Variants in COQ10A observed in about 807,000 individuals in gnomAD.
COQ10A encodes coenzyme Q-binding protein COQ10 homolog A, mitochondrial.
Under a neutral mutation model 26.1 loss-of-function variants are expected in COQ10A, and 25 were observed. That is an observed-to-expected ratio of 0.96 (90% CI 0.70 to 1.34). The LOEUF (loss-of-function observed/expected upper bound fraction) is 1.34, where lower values mean the gene tolerates loss of function less well. Ranked by LOEUF, COQ10A falls within the 40% of genes most tolerant of loss-of-function variation. The pLI is 0.00. For synonymous variants in COQ10A, 132 were observed against 124.0 expected, an observed-to-expected ratio of 1.06 and a Z score of -0.43; for missense variants, 312 against 335.4, an observed-to-expected ratio of 0.93 and a Z score of 0.54.
At chr12:56,268,745 ATTG>A in intron 2 of COQ10A, 1 of 249,054 alleles carries the variant, frequency 4.0e-6, no homozygotes, top group Non-Finnish European at 7.8e-6. Flanking sequence ...TTGTTAAAAA[ATTG>A]TTAAGAGCTG....
chr12:56,270,388 G>T lies in COQ10A; in HGVS notation c.*71G>T. On this transcript the variant is annotated 3_prime_UTR_variant, in exon 5 of 5. Transcript: ENST00000308197. ...ACAATTCTCTTATTTATTTGGTTTG[G>T]CTCCTGTTCCAATTTGAAAGGAGTC... The T allele has an allele frequency of 6.7e-7, 1 of 1,485,104 alleles. No individual in the cohort carries two copies. 92.0% of individuals were successfully genotyped at this position (1,485,104 alleles called of 1,614,324 possible).
In COQ10A at chr12:56,270,216, AAACAG is replaced by A. The variant is rs759109661; in HGVS notation, c.646_650del (p.Gln216CysfsTer5). On this transcript the variant is annotated frameshift_variant, in exon 5 of 5. Transcript: ENST00000308197. LOFTEE classifies it high-confidence loss of function. ...CACCATGTTTTTTGATGAGGTTGTC[AAACAG>A]AATGTTGCTGCCTTTGAGCGTCGGG... is the stretch of plus-strand genomic sequence containing the variant. The A allele has an allele frequency of 3.0e-5, 48 of 1,614,052 alleles. No individual in the cohort carries two copies. In the South Asian group the frequency reaches 5.2e-4, roughly 17 times the overall value.
rs577213356 is a variant in COQ10A, at chr12:56,269,558, T to C, written c.573T>C (p.Phe191=). The C allele has an allele frequency of 1.4e-5, 22 of 1,610,250 alleles. No homozygotes were observed. In the Admixed American group the frequency reaches 1.7e-4, roughly 12 times the overall value. ...ATCCTCGAACCTGCACTGTGGACTT[T>C]TCGGTGAGTCAGGAGGTTGTGTAGC... ...PAYPRTCTVD[F]SISFEFRSLL... The change falls in exon 4 of 5, where the codon TTT becomes TTC. Residue 191 remains phenylalanine, a synonymous_variant. Coordinates refer to ENST00000308197, the MANE Select transcript of COQ10A (RefSeq NM_144576.4).
At chr12:56,269,025 G>T (rs777393517) in intron 2 of COQ10A, 34 bp from the exon 3 acceptor site, 1 of 1,598,954 alleles carries the variant, frequency 6.3e-7, no homozygotes, top group Non-Finnish European at 8.6e-7. Flanking sequence ...GACCCAGCTG[G>T]CAGCTCCTTG....
rs993235109 is a variant in COQ10A at position 56,270,591 on chromosome 12, G to A, written c.*274G>A. The A allele has an allele frequency of 8.0e-6, 3 of 375,874 alleles. No homozygotes were observed. The highest frequency in any genetic ancestry group is 4.3e-5 in the Admixed American group (1 of 23,064). The allele number at this position is 375,874 out of a possible 1,614,324, so 23.3% of individuals were successfully genotyped here. The stretch of plus-strand genomic sequence containing the variant: ...CCTTTTCACTACGAATTAGAATAAG[G>A]ACTATGTGGTTGTCTCTGGACCTTA... On this transcript the variant is annotated 3_prime_UTR_variant, in exon 5 of 5. Coordinates refer to ENST00000308197, the MANE Select transcript of COQ10A (RefSeq NM_144576.4).
intron 2 of COQ10A, 102 bp downstream of exon 2, chr12:56,268,042 C>G: frequency 7.1e-7 from 1 of 1,408,630 alleles, no homozygotes; most frequent in South Asian, 1.3e-5. Flanking sequence ...AGATTCATCC[C>G]TAGCCATCCC....
chr12:56,267,913 A>C lies in COQ10A; in HGVS notation c.254A>C (p.Lys85Thr). The C allele has an allele frequency of 6.2e-7, 1 of 1,614,162 alleles. No individual in the cohort carries two copies. Among genetic ancestry groups the C allele is most frequent in the East Asian group, 2.2e-5 (1 of 44,882 alleles). Residue 85 changes from lysine (K) to threonine (T), a missense_variant, in exon 2 of 5, where the codon AAG becomes ACG. Physicochemically the swap from Lys to Thr is moderately conservative, Grantham distance 78. Coordinates refer to ENST00000308197, the MANE Select transcript of COQ10A (RefSeq NM_144576.4). ...GFAAPFTNKRKAYSERRIMGY... is the reference protein window; with the variant it reads ...GFAAPFTNKRTAYSERRIMGY... ...GCTGCTCCCTTCACCAACAAGCGAA[A>C]GGCTTACTCGGAGCGTAGAATCATG...
rs771314254 is a variant in COQ10A, at chr12:56,269,429, G to A, written c.475-31G>A. The A allele has an allele frequency of 2.6e-6, 4 of 1,548,590 alleles. No individual in the cohort carries two copies. In the African/African-American group the frequency reaches 5.4e-5, roughly 21 times the overall value. Reference sequence around the variant, plus strand: ...TATATTGTATCCTATACTTAGTAATGTTATTTAACTACCTGATTACCCTAT... The same window carrying A: ...TATATTGTATCCTATACTTAGTAATATTATTTAACTACCTGATTACCCTAT... On this transcript the variant is annotated intron_variant, in intron 3 of 4. Transcript: ENST00000308197.
intron 2 of COQ10A, 69 bp from the exon 3 acceptor site, chr12:56,268,990 A>C (rs1872427902): frequency 7.7e-7 from 1 of 1,301,044 alleles, no homozygotes; most frequent in African/African-American, 1.5e-5. Context: ...GGTATGAATT[A>C]GGGGCCTATA....
At chr12:56,268,889 C>T in intron 2 of COQ10A, 170 bp from the exon 3 acceptor site, 1 of 599,970 alleles carries the variant, frequency 1.7e-6, no homozygotes, top group Admixed American at 2.9e-5. Flanking sequence ...GTAACAGTAT[C>T]ATAAGGATTT....
At chr12:56,268,033 G>T in intron 2 of COQ10A, 93 bp downstream of exon 2, 1 of 1,489,892 alleles carries the variant, frequency 6.7e-7, no homozygotes. Flanking sequence ...CGGTGGGCAA[G>T]ATTCATCCCT....
rs1251844864 is a variant in COQ10A, at chr12:56,270,151, T to C, written c.578T>C (p.Ile193Thr). ...YPRTCTVDFSISFEFRSLLHS... is the reference protein window; with the variant it reads ...YPRTCTVDFSTSFEFRSLLHS... Reference sequence around the variant, plus strand: ...TGACTGTCTCTTACCCATTCCCAGATTTCCTTTGAATTTCGTTCTCTGCTG... The same window carrying C: ...TGACTGTCTCTTACCCATTCCCAGACTTCCTTTGAATTTCGTTCTCTGCTG... Residue 193 changes from isoleucine (I) to threonine (T), a missense_variant and splice_region_variant, in exon 5 of 5, where the codon ATT (isoleucine) becomes ACT (threonine). Physicochemically the swap from Ile to Thr is moderately conservative, Grantham distance 89. Coordinates refer to ENST00000308197, the MANE Select transcript of COQ10A (RefSeq NM_144576.4). 5 of 1,613,520 alleles carry C rather than the reference T, an allele frequency of 3.1e-6. No individual in the cohort carries two copies. The highest frequency in any genetic ancestry group is 2.2e-5 in the East Asian group (1 of 44,872).
chr12:56,269,639 T>C lies in COQ10A; in HGVS notation c.576+78T>C, dbSNP rs191942310. 614 of 1,050,660 alleles carry C rather than the reference T, an allele frequency of 5.8e-4. 5 individuals carry two copies. In the African/African-American group the frequency reaches 8.9e-3, roughly 15 times the overall value. The allele number at this position is 1,050,660 out of a possible 1,614,324, so 65.1% of individuals were successfully genotyped here. A position where few individuals can be genotyped will look rare whatever the true frequency, so the allele number is the denominator to read the frequency against. On this transcript the variant is annotated intron_variant, in intron 4 of 4. Transcript: ENST00000308197. ...TGGGGTACTGTGACAGGGTTATTAA[T>C]TTATTTGAGATGGAGTCTTGCTCCG...
chr12:56,269,363 C>T, intron 3 of COQ10A, 97 bp from the exon 4 acceptor site: 3 of 1,448,394 alleles, frequency 2.1e-6, no homozygotes, highest in Non-Finnish European at 1.9e-6. Context: ...TCAAGTATTT[C>T]CCTCATATCA....
At chr12:56,267,729 T>G in intron 1 of COQ10A, 65 bp from the exon 2 acceptor site, 3 of 1,606,616 alleles carry the variant, frequency 1.9e-6, no homozygotes, top group Non-Finnish European at 2.6e-6. Flanking sequence ...TTCTTCTCCT[T>G]CACCTACAAA....
chr12:56,268,925 C>G, intron 2 of COQ10A, 134 bp from the exon 3 acceptor site: 1 of 679,584 alleles, frequency 1.5e-6, no homozygotes, highest in Non-Finnish European at 2.6e-6. Flanking sequence ...GGAAGTTATT[C>G]ATCCAGGCTT....
intron 3 of COQ10A, 81 bp from the exon 4 acceptor site, chr12:56,269,379 G>A (rs930147249): frequency 1.6e-5 from 23 of 1,473,736 alleles, no homozygotes; most frequent in Non-Finnish European, 2.0e-5. Context: ...TATCAGAAAA[G>A]AAGGAAAATG....
chr12:56,270,026 T>TA (rs1872466141), intron 4 of COQ10A, 124 bp from the exon 5 acceptor site: 3 of 946,016 alleles, frequency 3.2e-6, no homozygotes, highest in East Asian at 2.4e-5. Flanking sequence ...TTAGGGCTCT[T>TA]ACGGGGATCC....
intron 4 of COQ10A, 23 bp downstream of exon 4, chr12:56,269,584 A>G (rs1191244789): frequency 5.9e-6 from 9 of 1,514,950 alleles, no homozygotes; most frequent in Non-Finnish European, 1.8e-6. Flanking sequence ...GTTGTGTAGC[A>G]GAGGACGAGG....
Sources: gnomAD v4.1 joint callset for allele counts on GRCh38, gnomAD v4.1.1 for gene constraint, MANE v1.5 for transcripts, NCBI Gene and HGNC (gene_info 2026-07-23, HGNC 2026-07-21) for gene names.